BBOX1: variants seen among roughly 807,000 people sequenced by gnomAD.
BBOX1 encodes the protein gamma-butyrobetaine dioxygenase.
BBOX1 carries 35 observed loss-of-function variants against 41.6 expected under a neutral mutation model. The observed-to-expected ratio is 0.84, with a 90% CI of 0.64 to 1.11. The LOEUF (loss-of-function observed/expected upper bound fraction) is 1.11. Ranked by LOEUF, BBOX1 falls within the 50% of genes most tolerant of loss-of-function variation. The pLI is 0.00. For missense variants in BBOX1, 458 were observed against 460.6 expected (o/e 0.99, Z 0.05); for synonymous variants, 163 against 154.7 (o/e 1.05, Z -0.40).
intron 4 of BBOX1, among the ~76,000 whole-genome samples, chr11:27,070,957 G>T (rs1564963019): frequency 6.6e-6 from 1 of 152,072 alleles, no homozygotes; most frequent in African/African-American, 2.4e-5. Flanking sequence ...TTCTTGCAGG[G>T]CTTGTCTAGT....
chr11:27,110,862 A>G (rs995733741), intron 5 of BBOX1, among the ~76,000 whole-genome samples: 3 of 151,978 alleles, frequency 2.0e-5, no homozygotes, highest in Admixed American at 6.6e-5. Flanking sequence ...ATATATATTA[A>G]TAGACATTAT....
chr11:27,094,532 C>A (rs1364252129), intron 5 of BBOX1, among the ~76,000 whole-genome samples: 1 of 151,916 alleles, frequency 6.6e-6, no homozygotes, highest in Admixed American at 6.6e-5. Context: ...AACAACAGAG[C>A]CTAAATCCTT....
chr11:27,049,674 G>T lies in BBOX1; in HGVS notation c.-38-5719G>T, dbSNP rs189849349. 4.5e-4 allele frequency among the ~76,000 whole-genome samples: 68 copies of T among 152,224 alleles called. No individual in the cohort carries two copies. In the South Asian group the frequency reaches 0.011, roughly 24 times the overall value. On this transcript the variant is annotated intron_variant, in intron 2 of 8. Transcript: ENST00000263182. ...CTGTGGCTTACAGAAGAGTCAGCATGGCTCCATTTGAAAGTGACTTTAGCA... is the reference window on the plus strand; with the variant it reads ...CTGTGGCTTACAGAAGAGTCAGCATTGCTCCATTTGAAAGTGACTTTAGCA...
chr11:27,114,723 CTCATA>C (rs71449141), intron 5 of BBOX1, among the ~76,000 whole-genome samples: 72,660 of 151,014 alleles, frequency 0.48, 18,768 homozygotes, highest in East Asian at 0.65. Flanking sequence ...GGACCCACAA[CTCATA>C]TCATATGCAA....
chr11:27,109,296 G>A lies in BBOX1; in HGVS notation c.534-6156G>A, dbSNP rs1005145269. 2.0e-5 allele frequency among the ~76,000 whole-genome samples: 3 copies of A among 152,210 alleles called. No homozygotes were observed. In the East Asian group the frequency reaches 5.8e-4, roughly 29 times the overall value. On this transcript the variant is annotated intron_variant, in intron 5 of 8. Coordinates refer to ENST00000263182, the MANE Select transcript of BBOX1 (RefSeq NM_003986.3). ...CCTATGGGGCATCTCCTGTGTGTCAGACATAGACCTTTCTTATTTGTTACA... is the reference window on the plus strand; with the variant it reads ...CCTATGGGGCATCTCCTGTGTGTCAAACATAGACCTTTCTTATTTGTTACA...
chr11:27,072,939 T>G (rs968003008), intron 4 of BBOX1, among the ~76,000 whole-genome samples: 4 of 152,230 alleles, frequency 2.6e-5, no homozygotes, highest in African/African-American at 9.6e-5. Flanking sequence ...ACTTAAATGT[T>G]AGACCTAAAA....
intron 6 of BBOX1, 127 bp downstream of exon 6, chr11:27,115,684 A>T: frequency 1.5e-6 from 1 of 681,924 alleles, no homozygotes; most frequent in South Asian, 2.5e-5. Context: ...TCCAAACACA[A>T]TCCAAGCTCA....
chr11:27,080,664 G>A (rs1232593789), intron 4 of BBOX1, among the ~76,000 whole-genome samples: 1 of 152,082 alleles, frequency 6.6e-6, no homozygotes, highest in East Asian at 1.9e-4. Flanking sequence ...TGATGGATGT[G>A]GTGGTAGCAC....
chr11:27,078,923 A>C (rs1478385668), intron 4 of BBOX1, among the ~76,000 whole-genome samples: 1 of 152,126 alleles, frequency 6.6e-6, no homozygotes, highest in Non-Finnish European at 1.5e-5. Context: ...ATAAGTGATA[A>C]ACTGTAAGTA....
intron 5 of BBOX1, among the ~76,000 whole-genome samples, chr11:27,113,172 G>A (rs186170250): frequency 2.8e-3 from 433 of 152,062 alleles, no homozygotes; most frequent in African/African-American, 9.9e-3. Flanking sequence ...GTGAGGTTGT[G>A]GAGACAAGGG....
At chr11:27,127,219 G>T in intron 8 of BBOX1, 74 bp from the exon 9 acceptor site, 1 of 1,466,828 alleles carries the variant, frequency 6.8e-7, no homozygotes, top group Non-Finnish European at 9.4e-7. Context: ...GCTGTGTTTT[G>T]CATGTTACAT....
intron 4 of BBOX1, among the ~76,000 whole-genome samples, chr11:27,073,914 G>A (rs528768710): frequency 6.6e-6 from 1 of 152,022 alleles, no homozygotes; most frequent in Non-Finnish European, 1.5e-5. Context: ...GGCCTGTTGT[G>A]GGGTGGGGGT....
intron 4 of BBOX1, among the ~76,000 whole-genome samples, chr11:27,073,950 T>TTAGG (rs1857551053): frequency 6.6e-6 from 1 of 151,926 alleles, no homozygotes; most frequent in Non-Finnish European, 1.5e-5. Flanking sequence ...CATTAGGAGA[T>TTAGG]ATACCTAATG....
intron 4 of BBOX1, 32 bp downstream of exon 4, chr11:27,057,347 A>G: frequency 6.6e-7 from 1 of 1,517,188 alleles, no homozygotes; most frequent in Non-Finnish European, 9.1e-7. Context: ...ATGTCTTTTT[A>G]AACCCTTACA....
chr11:27,085,292 T>C (rs991150394), intron 4 of BBOX1, among the ~76,000 whole-genome samples: 3 of 152,182 alleles, frequency 2.0e-5, no homozygotes, highest in Non-Finnish European at 4.4e-5. Flanking sequence ...AATTGAAGGC[T>C]TGTAGCAACA....
rs866318083 is a variant in BBOX1, at chr11:27,093,351, A to G, written c.518A>G (p.Tyr173Cys). The change falls in exon 5 of 9, where the codon TAT becomes TGT. Residue 173 changes from tyrosine to cysteine, a missense_variant. Transcript: ENST00000263182. ...SKLGKRMGFL[Y>C]LTFYGHTWQV... ...CTTGGGAAAAGGATGGGTTTCCTCT[A>G]TCTCACATTTTATGGGTGAGTCACC... The G allele has an allele frequency of 1.2e-6, 2 of 1,612,216 alleles. No individual in the cohort carries two copies. The highest frequency in any genetic ancestry group is 1.1e-5 in the South Asian group (1 of 91,034).
At chr11:27,097,114 C>T (rs1197646173) in intron 5 of BBOX1, among the ~76,000 whole-genome samples, 3 of 151,904 alleles carry the variant, frequency 2.0e-5, no homozygotes, top group Non-Finnish European at 2.9e-5. Context: ...TACATGTAAA[C>T]ATGGAGCAGT....
At chr11:27,086,053 G>A (rs1212453698) in intron 4 of BBOX1, among the ~76,000 whole-genome samples, 1 of 152,064 alleles carries the variant, frequency 6.6e-6, no homozygotes, top group African/African-American at 2.4e-5. Flanking sequence ...CAGTAGCAGA[G>A]GTTGGTTCAT....
At chr11:27,115,682 C>A in intron 6 of BBOX1, 125 bp downstream of exon 6, 1 of 715,740 alleles carries the variant, frequency 1.4e-6, no homozygotes, top group Non-Finnish European at 2.1e-6. Context: ...TCTCCAAACA[C>A]AATCCAAGCT....
Sources: allele counts gnomAD v4.1 joint callset (sites outside exome capture counted in the v4.1 genomes callset), GRCh38; gene constraint gnomAD v4.1.1; transcripts MANE v1.5; gene names NCBI Gene and HGNC (gene_info 2026-07-23, HGNC 2026-07-21).